Variants in VSNL1 observed in about 807,000 individuals in gnomAD.
The protein encoded by VSNL1 is visinin like 1.
In VSNL1, 6 loss-of-function variants were observed where a neutral mutation model predicts 20.4. The observed-to-expected ratio is 0.29, with a 90% CI of 0.16 to 0.58. The LOEUF (loss-of-function observed/expected upper bound fraction) is 0.58, where lower values mean the gene tolerates loss of function less well. VSNL1 is among the 20% of genes least tolerant of loss of function. The probability of loss-of-function intolerance (pLI) is 0.90; values close to 1 mark genes in which losing one functional copy is unlikely to be tolerated. For synonymous variants in VSNL1, 93 were observed against 86.4 expected (o/e 1.08, Z -0.42); for missense variants, 100 against 234.5 (o/e 0.43, Z 3.75).
chr2:17,568,810 T>A (rs573965029), intron 1 of VSNL1, among the ~76,000 whole-genome samples: 1 of 152,284 alleles, frequency 6.6e-6, no homozygotes, highest in South Asian at 2.1e-4. Context: ...TTTATCTCAC[T>A]CTCATTTTGA....
At chr2:17,612,110 C>T (rs1402375172) in intron 2 of VSNL1, among the ~76,000 whole-genome samples, 1 of 152,152 alleles carries the variant, frequency 6.6e-6, no homozygotes, top group Non-Finnish European at 1.5e-5. Flanking sequence ...CTATGCATAC[C>T]GTGAGAATGA....
In VSNL1 at chr2:17,576,490, T is replaced by C. The variant is rs917957723; in HGVS notation, c.-5-15580T>C. On this transcript the variant is annotated intron_variant, in intron 1 of 3. Coordinates refer to ENST00000295156, the MANE Select transcript of VSNL1 (RefSeq NM_003385.5). ...TGTTTTCTGGTGGGTTATATTAACA[T>C]GCAGTTTTGCTGTATTTGATTATTT... 2.0e-5 allele frequency among the ~76,000 whole-genome samples: 3 copies of C among 152,234 alleles called. No individual in the cohort carries two copies. The East Asian group carries it at 5.8e-4, about 29-fold the overall frequency.
At chr2:17,618,603 G>C (rs1180501206) in intron 2 of VSNL1, among the ~76,000 whole-genome samples, 2 of 152,326 alleles carry the variant, frequency 1.3e-5, no homozygotes, top group Admixed American at 6.5e-5. Context: ...TCTGAGGGGA[G>C]AGCATCATTC....
chr2:17,565,060 A>G (rs552036163), intron 1 of VSNL1, among the ~76,000 whole-genome samples: 2 of 152,306 alleles, frequency 1.3e-5, no homozygotes, highest in South Asian at 4.1e-4. Flanking sequence ...TTTTCTTTTT[A>G]GTATTCTACC....
At chr2:17,589,201 A>G (rs1364094219) in intron 1 of VSNL1, among the ~76,000 whole-genome samples, 1 of 152,222 alleles carries the variant, frequency 6.6e-6, no homozygotes, top group Non-Finnish European at 1.5e-5. Flanking sequence ...CAGCATATGC[A>G]GAGCCATGGA....
At position 17,656,960 on chromosome 2, in the gene VSNL1, G is replaced by T. The variant is rs115652255; in HGVS notation, c.*1566G>T. On this transcript the variant is annotated 3_prime_UTR_variant, in exon 4 of 4. Coordinates refer to ENST00000295156, the MANE Select transcript of VSNL1 (RefSeq NM_003385.5). The stretch of plus-strand genomic sequence containing the variant: ...ATCAAATTCGTTTTTTACCGAATTC[G>T]TTTTTTACCATTCTTTATTTGTCTT... 6.6e-6 allele frequency: 1 copy of T among 152,068 alleles called. No individual in the cohort carries two copies. Among genetic ancestry groups the T allele is most frequent in the Non-Finnish European group, 1.5e-5 (1 of 68,000 alleles). 9.4% of individuals were successfully genotyped at this position (152,068 alleles called of 1,614,324 possible).
chr2:17,575,599 G>T (rs369965785), intron 1 of VSNL1, among the ~76,000 whole-genome samples: 133 of 151,924 alleles, frequency 8.8e-4, no homozygotes, highest in Middle Eastern at 3.4e-3. Flanking sequence ...GCAGTGGCAT[G>T]ATTTCTGCTC....
intron 1 of VSNL1, among the ~76,000 whole-genome samples, chr2:17,551,970 G>C (rs571939728): frequency 6.6e-6 from 1 of 150,648 alleles, no homozygotes; most frequent in African/African-American, 2.4e-5. Context: ...AGGCCGAGGC[G>C]GGTGGATCAC....
chr2:17,551,909 A>T (rs1264357451), intron 1 of VSNL1, among the ~76,000 whole-genome samples: 2 of 151,096 alleles, frequency 1.3e-5, no homozygotes, highest in South Asian at 4.2e-4. Context: ...AAAAAAAAAA[A>T]AAAAAAAGCC....
intron 1 of VSNL1, among the ~76,000 whole-genome samples, chr2:17,577,553 T>C (rs1030663062): frequency 4.6e-5 from 7 of 152,312 alleles, no homozygotes; most frequent in Middle Eastern, 3.4e-3. Flanking sequence ...AAATTCTGCA[T>C]GTATTTGAGG....
chr2:17,542,091 C>T (rs576785189), intron 1 of VSNL1, among the ~76,000 whole-genome samples: 1 of 152,276 alleles, frequency 6.6e-6, no homozygotes, highest in South Asian at 2.1e-4. Context: ...TTTATTTCTA[C>T]ATATTAATAT....
chr2:17,562,510 C>T (rs868460237), intron 1 of VSNL1, among the ~76,000 whole-genome samples: 18 of 152,222 alleles, frequency 1.2e-4, no homozygotes, highest in African/African-American at 4.3e-4. Flanking sequence ...CATTTGGTCC[C>T]TAATGATGGC....
chr2:17,610,513 A>G (rs547009789), intron 2 of VSNL1, among the ~76,000 whole-genome samples: 11 of 152,244 alleles, frequency 7.2e-5, no homozygotes, highest in South Asian at 2.1e-4. Flanking sequence ...AGCACTTGCA[A>G]TCTTTTTTTT....
intron 2 of VSNL1, among the ~76,000 whole-genome samples, chr2:17,602,699 C>T (rs1664849416): frequency 6.6e-6 from 1 of 151,990 alleles, no homozygotes; most frequent in South Asian, 2.1e-4. Context: ...AAGATCACGC[C>T]ATTGCACCCC....
At chr2:17,577,667 G>A (rs986044446) in intron 1 of VSNL1, among the ~76,000 whole-genome samples, 1 of 152,068 alleles carries the variant, frequency 6.6e-6, no homozygotes, top group African/African-American at 2.4e-5. Context: ...TCTCCCATCT[G>A]CCCTGGGGAC....
At chr2:17,641,033 C>T (rs751229398) in intron 2 of VSNL1, among the ~76,000 whole-genome samples, 10 of 152,240 alleles carry the variant, frequency 6.6e-5, no homozygotes, top group Middle Eastern at 3.2e-3. Context: ...TAATAGCTCT[C>T]TCCCCACGAT....
chr2:17,625,630 C>G (rs1027918028), intron 2 of VSNL1, among the ~76,000 whole-genome samples: 3 of 152,180 alleles, frequency 2.0e-5, no homozygotes, highest in Admixed American at 2.0e-4. Flanking sequence ...CCCTCCCCAG[C>G]ACAGGCTGCC....
At chr2:17,601,345 T>C (rs1397030503) in intron 2 of VSNL1, among the ~76,000 whole-genome samples, 1 of 152,186 alleles carries the variant, frequency 6.6e-6, no homozygotes, top group Non-Finnish European at 1.5e-5. Flanking sequence ...ATAGAAGAAA[T>C]GTCAAAGCAG....
At chr2:17,626,130 C>G (rs913125113) in intron 2 of VSNL1, among the ~76,000 whole-genome samples, 1 of 152,134 alleles carries the variant, frequency 6.6e-6, no homozygotes, top group African/African-American at 2.4e-5. Flanking sequence ...CTTGGCTGAT[C>G]TTCTAATCTC....
Sources: allele counts gnomAD v4.1 joint callset (sites outside exome capture counted in the v4.1 genomes callset), GRCh38; gene constraint gnomAD v4.1.1; transcripts MANE v1.5; gene names NCBI Gene and HGNC (gene_info 2026-07-23, HGNC 2026-07-21).